The following PPP2R5D variants were observed in gnomAD, a reference collection of about 807,000 sequenced individuals.
PPP2R5D encodes the protein protein phosphatase 2 regulatory subunit B'delta, also known as serine/threonine-protein phosphatase 2A 56 kDa regulatory subunit delta isoform.
A neutral mutation model predicts 79.1 loss-of-function variants in PPP2R5D; 12 were observed. The observed-to-expected ratio is 0.15, with a 90% confidence interval of 0.10 to 0.25. The LOEUF (loss-of-function observed/expected upper bound fraction) is 0.25, where lower values mean the gene tolerates loss of function less well. Among genes scored for constraint, PPP2R5D ranks in the 10% least tolerant of loss-of-function variants. PPP2R5D has a pLI of 1.00. For missense variants in PPP2R5D, 419 were observed against 760.2 expected (o/e 0.55, Z 5.28); for synonymous variants, 277 against 286.6 (o/e 0.97, Z 0.34).
At chr6:43,000,686 G>A (rs1217878293) in intron 2 of PPP2R5D, among the ~76,000 whole-genome samples, 3 of 152,194 alleles carry the variant, frequency 2.0e-5, no homozygotes, top group South Asian at 4.1e-4. Context: ...TTGTTGTCAG[G>A]TTGGCACTGA....
rs753182827 is a variant in PPP2R5D, at chr6:43,007,404, T to C, written c.634-10T>C. 1 of 1,610,994 alleles carries C rather than the reference T, an allele frequency of 6.2e-7. No homozygotes were observed. The highest frequency in any genetic ancestry group is 2.2e-5 in the East Asian group (1 of 44,856). On this transcript the variant is annotated splice_polypyrimidine_tract_variant and intron_variant, in intron 5 of 15. Coordinates refer to ENST00000485511, the MANE Select transcript of PPP2R5D (RefSeq NM_006245.4). The surrounding 1 kb of genome is among the most constrained non-coding windows in gnomAD (Gnocchi z 4.5). ...AACATCCCCTCAGTGGCGTGCCTTT[T>C]CCCCTATAGCTCGTGTATGAGTTCT...
chr6:43,003,681 G>A (rs756673364), intron 2 of PPP2R5D, among the ~76,000 whole-genome samples: 23 of 151,910 alleles, frequency 1.5e-4, no homozygotes, highest in African/African-American at 4.6e-4. Flanking sequence ...TAATGTGAGC[G>A]AGCTCATTTT....
chr6:43,006,372 G>T lies in PPP2R5D; in HGVS notation c.106-91G>T, dbSNP rs1291261365. The T allele has an allele frequency of 2.6e-6, 4 of 1,522,006 alleles. No individual in the cohort carries two copies. The South Asian group carries it at 5.2e-5, about 20-fold the overall frequency. 94.3% of individuals were successfully genotyped at this position (1,522,006 alleles called of 1,614,324 possible). On this transcript the variant is annotated intron_variant, in intron 2 of 15. Transcript: ENST00000485511. This position sits in a 1 kb window ranked among gnomAD's most constrained non-coding sequence, Gnocchi z 4.7. ...AGACAGCTGCTCACTGCCCAGGCCT[G>T]TGCAGGCATAAACAGACTTGGGGAT...
chr6:43,000,236 C>CT (rs1204045076), intron 2 of PPP2R5D, among the ~76,000 whole-genome samples: 4,092 of 105,990 alleles, frequency 0.039, 198 homozygotes, highest in Middle Eastern at 0.087. Flanking sequence ...GTCTGGCCAC[C>CT]TTTTTTTTTT....
chr6:42,984,624 AAGC>A lies in PPP2R5D; in HGVS notation c.-53_-51del. ...CGAGCGGGCCGAGTGCGGCCGAGCA[AAGC>A]CGGAGCCGGAGCGGGGCCGCAGGAG... On this transcript the variant is annotated 5_prime_UTR_variant, in exon 1 of 16. Coordinates refer to ENST00000485511, the MANE Select transcript of PPP2R5D (RefSeq NM_006245.4). The A allele has an allele frequency of 6.4e-7, 1 of 1,563,658 alleles. No homozygotes were observed. The highest frequency in any genetic ancestry group is 2.4e-5 in the East Asian group (1 of 42,358).
rs1193517118 is a variant in PPP2R5D at position 42,998,048 on chromosome 6, T to C, written c.105+8360T>C. 4.1e-3 allele frequency among the ~76,000 whole-genome samples: 117 copies of C among 28,830 alleles called. 3 individuals carry two copies. Among genetic ancestry groups the C allele is most frequent in the African/African-American group, 0.011 (109 of 9,626 alleles). 18.9% of individuals were successfully genotyped at this position (28,830 alleles called of 152,430 possible). The stretch of plus-strand genomic sequence containing the variant: ...ATATATATATATATATATATATATA[T>C]ATATATATATTTTTTTTTTTTTTTT... On this transcript the variant is annotated intron_variant, in intron 2 of 15. Transcript: ENST00000485511.
chr6:42,989,494 T>A, intron 1 of PPP2R5D, 117 bp from the exon 2 acceptor site: 1 of 852,672 alleles, frequency 1.2e-6, no homozygotes, highest in Non-Finnish European at 1.9e-6. Context: ...CAAGGTAGAT[T>A]CTAATTGATT....
chr6:43,002,405 C>T lies in PPP2R5D; in HGVS notation c.106-4058C>T, dbSNP rs541382672. ...CTCTCAAACTCCTGACCTCGTGATC[C>T]GCCCGCCTCTGCCTCTCAAAGAGTT... On this transcript the variant is annotated intron_variant, in intron 2 of 15. Transcript: ENST00000485511. Among the ~76,000 whole-genome samples, 346 of 152,200 alleles carry T rather than the reference C, an allele frequency of 2.3e-3. 2 individuals are homozygous for T. The highest frequency in any genetic ancestry group is 6.4e-3 in the African/African-American group (265 of 41,530).
At chr6:43,000,236 C>CTTTTTTTTTTTTTTTTTTTTTTTT (rs1204045076) in intron 2 of PPP2R5D, among the ~76,000 whole-genome samples, 6 of 106,018 alleles carry the variant, frequency 5.7e-5, no homozygotes, top group African/African-American at 9.9e-5. Flanking sequence ...GTCTGGCCAC[C>CTTTTTTTTTTTTTTTTTTTTTTTT]TTTTTTTTTT....
chr6:42,999,042 A>G (rs1037507106), intron 2 of PPP2R5D, among the ~76,000 whole-genome samples: 7 of 152,166 alleles, frequency 4.6e-5, no homozygotes, highest in African/African-American at 1.4e-4. Flanking sequence ...CTCAAAATAA[A>G]TAAATAAATA....
At chr6:42,998,019 A>T (rs1411664325) in intron 2 of PPP2R5D, among the ~76,000 whole-genome samples, 8 of 6,868 alleles carry the variant, frequency 1.2e-3, no homozygotes, top group African/African-American at 3.7e-3. Context: ...TTTTATTTAT[A>T]TATATATATA....
At chr6:42,997,509 T>C (rs2150261948) in intron 2 of PPP2R5D, among the ~76,000 whole-genome samples, 1 of 149,692 alleles carries the variant, frequency 6.7e-6, no homozygotes, top group African/African-American at 2.5e-5. Context: ...TTTTTATTTT[T>C]ATTTTATTTT....
At chr6:42,995,700 T>C (rs910782917) in intron 2 of PPP2R5D, among the ~76,000 whole-genome samples, 7 of 150,580 alleles carry the variant, frequency 4.6e-5, no homozygotes, top group Non-Finnish European at 8.9e-5. Context: ...CTACAGGCAC[T>C]CACCACCACG....
In PPP2R5D at chr6:43,012,211, G is replaced by T. The variant is rs544252415; in HGVS notation, c.*925G>T. On this transcript the variant is annotated 3_prime_UTR_variant, in exon 16 of 16. Transcript: ENST00000485511. ...GGAAGGCCGGACCCAGGTTCCAGGG[G>T]CGCAGGCAGTGCGGCTTTTGGCTGT... is the stretch of plus-strand genomic sequence containing the variant. 3 of 1,173,190 alleles carry T rather than the reference G, an allele frequency of 2.6e-6. No individual in the cohort carries two copies. In the African/African-American group the frequency reaches 4.7e-5, roughly 19 times the overall value. 72.7% of individuals were successfully genotyped at this position (1,173,190 alleles called of 1,614,324 possible). A position where few individuals can be genotyped will look rare whatever the true frequency, so the allele number is the denominator to read the frequency against.
rs1771839042 is a variant in PPP2R5D at position 42,998,013 on chromosome 6, ATTTATATATATATAT to A, written c.105+8326_105+8340del. Among the ~76,000 whole-genome samples the A allele has an allele frequency of 5.9e-3, 227 of 38,400 alleles. 3 individuals are homozygous for A. The highest frequency in any genetic ancestry group is 0.014 in the South Asian group (12 of 858). The allele number at this position is 38,400 out of a possible 152,430, so 25.2% of individuals were successfully genotyped here. On this transcript the variant is annotated intron_variant, in intron 2 of 15. Coordinates refer to ENST00000485511, the MANE Select transcript of PPP2R5D (RefSeq NM_006245.4). ...ATTTATATTTGAATATTTGGGTTTT[ATTTATATATATATAT>A]ATATATATATATATATATATATATA...
In PPP2R5D at chr6:43,010,539, G is replaced by A; in HGVS notation, c.1451G>A (p.Cys484Tyr). The A allele has an allele frequency of 1.2e-6, 2 of 1,614,054 alleles. No individual in the cohort carries two copies. The highest frequency in any genetic ancestry group is 1.6e-4 in the Middle Eastern group (1 of 6,062). ...MEMNQKLFDD[C>Y]TQQYKAEKQK... ...ATGAATCAGAAGCTGTTTGATGACT[G>A]CACACAACAATACAAGGCAGAGAAG... The change falls in exon 13 of 16, where the codon TGC becomes TAC. Residue 484 changes from cysteine to tyrosine, a missense_variant. Cys to Tyr is a radical substitution (Grantham distance 194, BLOSUM62 -2). Transcript: ENST00000485511. This position sits in a 1 kb window ranked among gnomAD's most constrained non-coding sequence, Gnocchi z 4.7.
intron 2 of PPP2R5D, among the ~76,000 whole-genome samples, chr6:42,993,653 A>T (rs1771433062): frequency 6.6e-6 from 1 of 152,232 alleles, no homozygotes; most frequent in South Asian, 2.1e-4. Context: ...TAGATGCATC[A>T]CTTTAATCTC....
rs769480815 is a variant in PPP2R5D, at chr6:43,008,311, G to T, written c.917+51G>T. 2.5e-6 allele frequency: 4 copies of T among 1,613,658 alleles called. No homozygotes were observed. Among genetic ancestry groups the T allele is most frequent in the East Asian group, 4.5e-5 (2 of 44,884 alleles). Reference sequence around the variant, plus strand: ...TGCCTGAAAAAGGTTGGCAGGATTGGTGTACTGAACTTGGATCTGACCCTC... The same window carrying T: ...TGCCTGAAAAAGGTTGGCAGGATTGTTGTACTGAACTTGGATCTGACCCTC... On this transcript the variant is annotated intron_variant, in intron 8 of 15. Coordinates refer to ENST00000485511, the MANE Select transcript of PPP2R5D (RefSeq NM_006245.4). This position sits in a 1 kb window ranked among gnomAD's most constrained non-coding sequence, Gnocchi z 4.2.
At position 42,984,641 on chromosome 6, in the gene PPP2R5D, G is replaced by A; in HGVS notation, c.-37G>A. The A allele has an allele frequency of 1.3e-6, 2 of 1,583,722 alleles. No homozygotes were observed. Among genetic ancestry groups the A allele is most frequent in the Non-Finnish European group, 1.7e-6 (2 of 1,166,934 alleles). ...GCCGAGCAAAGCCGGAGCCGGAGCG[G>A]GGCCGCAGGAGACGGGCCGGGTCCG... On this transcript the variant is annotated 5_prime_UTR_variant, in exon 1 of 16. Coordinates refer to ENST00000485511, the MANE Select transcript of PPP2R5D (RefSeq NM_006245.4).
Sources: allele counts gnomAD v4.1 joint callset (sites outside exome capture counted in the v4.1 genomes callset), GRCh38; gene constraint gnomAD v4.1.1; non-coding constraint Gnocchi (gnomAD v3.1); transcripts MANE v1.5; gene names NCBI Gene and HGNC (gene_info 2026-07-23, HGNC 2026-07-21).